COMT: variants seen among roughly 807,000 people sequenced by gnomAD.
COMT encodes the protein catechol O-methyltransferase.
Under a neutral mutation model 18.9 loss-of-function variants are expected in COMT, and 13 were observed. That is an observed-to-expected ratio of 0.69 (90% CI 0.45 to 1.09). The LOEUF is 1.09. COMT is among the 50% of genes least tolerant of loss of function. COMT has a pLI of 0.00. For synonymous variants in COMT, 150 were observed against 160.9 expected, an observed-to-expected ratio of 0.93 and a Z score of 0.51; for missense variants, 329 against 361.8, an observed-to-expected ratio of 0.91 and a Z score of 0.73.
intron 3 of COMT, chr22:19,963,325 G>GTTA (rs1310551545): frequency 3.3e-6 from 2 of 604,022 alleles, no homozygotes; most frequent in Admixed American, 2.9e-5. Context: ...TGAGCATAGA[G>GTTA]GCTAAGGGAC....
At chr22:19,942,003 G>C (rs1331435264) in intron 1 of COMT, 106 bp downstream of exon 1, 2 of 466,354 alleles carry the variant, frequency 4.3e-6, no homozygotes, top group Non-Finnish European at 7.2e-6. Context: ...TCGGACCGCT[G>C]TGAAGTGATC....
At position 19,961,254 on chromosome 22, in the gene COMT, CCAGAGGGCTGGAGCCTGCT is replaced by C. The variant is rs1391499977; in HGVS notation, c.-29_-11del. 1.3e-5 allele frequency: 2 copies of C among 152,326 alleles called. No homozygotes were observed. Among genetic ancestry groups the C allele is most frequent in the African/African-American group, 4.8e-5 (2 of 41,462 alleles). 9.4% of individuals were successfully genotyped at this position (152,326 alleles called of 1,614,324 possible). On this transcript the variant is annotated 5_prime_UTR_variant, in exon 2 of 6. Transcript: ENST00000361682. ...AGGAGACCCCAGACCCCTCCCGCAGCCAGAGGGCTGGAGCCTGCTCAGAGGTGCTTTGAAGGTGAGTTGG... is the reference window on the plus strand; with the variant it reads ...AGGAGACCCCAGACCCCTCCCGCAGCCAGAGGTGCTTTGAAGGTGAGTTGG...
intron 5 of COMT, among the ~76,000 whole-genome samples, chr22:19,966,469 T>C (rs1467719027): frequency 6.9e-6 from 1 of 145,970 alleles, no homozygotes; most frequent in East Asian, 2.0e-4. Context: ...AAAGACAGAG[T>C]CTTGCTCTGT....
intron 5 of COMT, chr22:19,967,243 C>T (rs770389839): frequency 1.0e-5 from 13 of 1,299,042 alleles, no homozygotes; most frequent in South Asian, 2.5e-5. Flanking sequence ...AGTCCCCTGG[C>T]GCAACCCGAG....
intron 1 of COMT, 78 bp downstream of exon 1, chr22:19,941,975 G>T (rs1941740870): frequency 1.8e-6 from 1 of 567,148 alleles, no homozygotes; most frequent in Non-Finnish European, 2.8e-6. Flanking sequence ...TGGAACACTG[G>T]GATAGGGTGT....
At chr22:19,961,548 C>T (rs1177101371) in intron 2 of COMT, 1 of 152,356 alleles carries the variant, frequency 6.6e-6, no homozygotes, top group African/African-American at 2.4e-5. Flanking sequence ...AGGCCTGCCT[C>T]CTTGCCTGGG....
intron 1 of COMT, chr22:19,951,428 A>G (rs1370367114): frequency 6.6e-6 from 1 of 150,958 alleles, no homozygotes; most frequent in Non-Finnish European, 1.5e-5. Flanking sequence ...TAAAATCATT[A>G]GAAGCAATGT....
intron 1 of COMT, among the ~76,000 whole-genome samples, chr22:19,948,686 G>A (rs9606194): frequency 0.21 from 32,298 of 151,814 alleles, 4,153 homozygotes; most frequent in Middle Eastern, 0.34. Flanking sequence ...TGGGTGCAGC[G>A]GCTCACGCCT....
chr22:19,967,076 C>T (rs1428696713), intron 5 of COMT: 26 of 1,225,622 alleles, frequency 2.1e-5, no homozygotes, highest in Non-Finnish European at 2.5e-5. Context: ...TGACCAGTTT[C>T]GTAAAGGAGT....
intron 1 of COMT, among the ~76,000 whole-genome samples, chr22:19,942,953 A>C (rs1030946063): frequency 1.3e-5 from 2 of 152,220 alleles, no homozygotes; most frequent in African/African-American, 4.8e-5. Flanking sequence ...ACTGGGAGAC[A>C]GGGGCCCCAT....
chr22:19,943,233 A>G (rs1038994406), intron 1 of COMT, among the ~76,000 whole-genome samples: 10 of 152,234 alleles, frequency 6.6e-5, no homozygotes, highest in Non-Finnish European at 1.5e-4. Flanking sequence ...TCCTCTCAAC[A>G]GTCCCCGTCC....
At chr22:19,949,139 C>T (rs1468883181) in intron 1 of COMT, among the ~76,000 whole-genome samples, 4 of 152,044 alleles carry the variant, frequency 2.6e-5, no homozygotes, top group African/African-American at 9.6e-5. Context: ...TATCCATTCA[C>T]AGTTGCTTTT....
At position 19,968,521 on chromosome 22, in the gene COMT, C is replaced by G. The variant is rs767422215; in HGVS notation, c.616-15C>G. ...CTCTGACCCTCACCTCCCCCACCCCCCGGTCTGTTTGCAGGAATGTGGCCT... is the reference window on the plus strand; with the variant it reads ...CTCTGACCCTCACCTCCCCCACCCCGCGGTCTGTTTGCAGGAATGTGGCCT... On this transcript the variant is annotated splice_polypyrimidine_tract_variant and intron_variant, in intron 5 of 5. Transcript: ENST00000361682. The G allele has an allele frequency of 1.1e-5, 18 of 1,612,464 alleles. No homozygotes were observed. The highest frequency in any genetic ancestry group is 7.7e-5 in the South Asian group (7 of 90,802).
intron 1 of COMT, among the ~76,000 whole-genome samples, chr22:19,949,570 T>C (rs529261258): frequency 6.6e-6 from 1 of 152,220 alleles, no homozygotes; most frequent in South Asian, 2.1e-4. Context: ...TTTTCATATA[T>C]TGATTATAAT....
At chr22:19,954,450 T>TTTTTG (rs759318370) in intron 1 of COMT, among the ~76,000 whole-genome samples, 3 of 152,108 alleles carry the variant, frequency 2.0e-5, no homozygotes, top group Non-Finnish European at 4.4e-5. Context: ...AATTGTGCGT[T>TTTTTG]TTTTGTTTTG....
At chr22:19,960,054 G>A (rs944779505) in intron 1 of COMT, among the ~76,000 whole-genome samples, 28 of 152,230 alleles carry the variant, frequency 1.8e-4, no homozygotes, top group African/African-American at 6.8e-4. Context: ...CCCCTCTGCT[G>A]CCTCCCACTA....
chr22:19,964,456 A>T, intron 5 of COMT, 157 bp downstream of exon 5: 1 of 1,113,490 alleles, frequency 9.0e-7, no homozygotes, highest in Non-Finnish European at 1.3e-6. Context: ...TGGGGGACTG[A>T]GGAGGCCCTG....
chr22:19,949,242 T>C (rs913703535), intron 1 of COMT, among the ~76,000 whole-genome samples: 2 of 151,970 alleles, frequency 1.3e-5, no homozygotes, highest in Admixed American at 6.6e-5. Flanking sequence ...GCTCAAGCGA[T>C]CCTCCTGCCT....
chr22:19,963,019 C>T (rs2146166346), intron 3 of COMT: 1 of 616,210 alleles, frequency 1.6e-6, no homozygotes, highest in African/African-American at 1.8e-5. Context: ...GCCTGCTGCC[C>T]CAGGACAACA....
Sources: allele counts gnomAD v4.1 joint callset (sites outside exome capture counted in the v4.1 genomes callset), GRCh38; gene constraint gnomAD v4.1.1; transcripts MANE v1.5; gene names NCBI Gene and HGNC (gene_info 2026-07-23, HGNC 2026-07-21).